Variants in ZNF354B observed in about 807,000 individuals in gnomAD.
ZNF354B encodes the protein zinc finger protein 354B.
A neutral mutation model predicts 12.9 loss-of-function variants in ZNF354B; 10 were observed. The ratio of observed to expected loss-of-function variants is 0.77; its 90% confidence interval spans 0.48 to 1.31. ZNF354B has a LOEUF of 1.31. ZNF354B is among the 40% of genes most tolerant of loss of function. The pLI is 0.00. For synonymous variants in ZNF354B, 260 were observed against 243.7 expected, an observed-to-expected ratio of 1.07 and a Z score of -0.62; for missense variants, 614 against 711.7, an observed-to-expected ratio of 0.86 and a Z score of 1.56.
chr5:178,882,596 T>C (rs902296162), intron 4 of ZNF354B, 113 bp from the exon 5 acceptor site: 22 of 1,072,854 alleles, frequency 2.1e-5, no homozygotes, highest in South Asian at 4.8e-5. Context: ...AATTTTATCC[T>C]CTTTTAGTCA....
chr5:178,864,886 G>A (rs1004743790), intron 2 of ZNF354B, among the ~76,000 whole-genome samples: 3 of 152,094 alleles, frequency 2.0e-5, no homozygotes, highest in Non-Finnish European at 4.4e-5. Context: ...GCCTCCCAAA[G>A]TGCTAGGATT....
chr5:178,877,387 C>T (rs1333204895), intron 4 of ZNF354B, among the ~76,000 whole-genome samples: 1 of 152,042 alleles, frequency 6.6e-6, no homozygotes, highest in Admixed American at 6.6e-5. Flanking sequence ...AGGCTGGTCT[C>T]GGAACTCCTG....
At chr5:178,869,935 T>C (rs10479516) in intron 4 of ZNF354B, among the ~76,000 whole-genome samples, 85,177 of 151,908 alleles carry the variant, frequency 0.56, 24,576 homozygotes, top group Non-Finnish European at 0.61. Context: ...TTCCCATGAG[T>C]GCTCACTTCA....
chr5:178,877,708 C>T (rs764031030), intron 4 of ZNF354B, among the ~76,000 whole-genome samples: 3 of 152,178 alleles, frequency 2.0e-5, no homozygotes, highest in East Asian at 1.9e-4. Flanking sequence ...CCAAAGGCCA[C>T]GCTAGGGATG....
chr5:178,860,053 G>A lies in ZNF354B; in HGVS notation c.-126G>A, dbSNP rs3922928. The A allele has an allele frequency of 0.02, 3,018 of 152,518 alleles. 39 individuals are homozygous for A. Among genetic ancestry groups the A allele is most frequent in the Non-Finnish European group, 0.028 (1,936 of 68,188 alleles). 9.4% of individuals were successfully genotyped at this position (152,518 alleles called of 1,614,324 possible). On this transcript the variant is annotated 5_prime_UTR_variant, in exon 1 of 5. Transcript: ENST00000322434. ...GGTCGCCCAGACGTCGGAGGAGCCG[G>A]GTCACGAGGCTGGAGCTTCCTGCTT...
chr5:178,863,147 C>A (rs1757387768), intron 2 of ZNF354B, among the ~76,000 whole-genome samples: 1 of 152,104 alleles, frequency 6.6e-6, no homozygotes, highest in Non-Finnish European at 1.5e-5. Flanking sequence ...TTGTACTCTT[C>A]CCCAATATGC....
intron 4 of ZNF354B, among the ~76,000 whole-genome samples, chr5:178,873,671 T>C (rs1022351581): frequency 6.6e-6 from 1 of 152,204 alleles, no homozygotes; most frequent in African/African-American, 2.4e-5. Flanking sequence ...GATTGCTGTA[T>C]ATATACAGGC....
Position 178,883,091 on chromosome 5 carries a change from C to G in ZNF354B, c.639C>G (p.Arg213=). 1 of 1,609,314 alleles carries G rather than the reference C, an allele frequency of 6.2e-7. No individual in the cohort carries two copies. The highest frequency in any genetic ancestry group is 2.2e-5 in the East Asian group (1 of 44,842). Residue 213 remains arginine, a synonymous_variant, in exon 5 of 5, where the codon CGC becomes CGG. Coordinates refer to ENST00000322434, the MANE Select transcript of ZNF354B (RefSeq NM_058230.3). ...NQSKIKTAEK[R]YKCSTCEKAF... ...CAAAAATCAAAACAGCAGAGAAACG[C>G]TATAAATGCAGTACATGTGAAAAAG...
intron 2 of ZNF354B, 39 bp from the exon 3 acceptor site, chr5:178,866,205 G>C (rs1195929858): frequency 6.2e-7 from 1 of 1,611,200 alleles, no homozygotes; most frequent in Non-Finnish European, 8.5e-7. Context: ...CACTCTGTGA[G>C]GGTGGTCCTG....
chr5:178,879,906 T>TC (rs1215407804), intron 4 of ZNF354B, among the ~76,000 whole-genome samples: 1 of 152,032 alleles, frequency 6.6e-6, no homozygotes, highest in Admixed American at 6.5e-5. Flanking sequence ...GGTGGGTGGA[T>TC]CACGAGGTCA....
Position 178,883,293 on chromosome 5 carries a change from C to T in ZNF354B, c.841C>T (p.His281Tyr), listed in dbSNP as rs768307372. 8 of 1,613,736 alleles carry T rather than the reference C, an allele frequency of 5.0e-6. No individual in the cohort carries two copies. The South Asian group carries it at 7.7e-5, about 16-fold the overall frequency. The change falls in exon 5 of 5, where the codon CAT becomes TAT. Residue 281 changes from histidine (H) to tyrosine (Y), a missense_variant. His to Tyr is a moderately conservative substitution (Grantham distance 83). Coordinates refer to ENST00000322434, the MANE Select transcript of ZNF354B (RefSeq NM_058230.3). The stretch of plus-strand genomic sequence containing the variant: ...TAAAGAATGTGGGAAAGCCTTCAGC[C>T]ATAGTGCATCCCTTTGTAAGCATTT... Reference protein sequence around the residue: ...ICKECGKAFSHSASLCKHLRT... With the variant: ...ICKECGKAFSYSASLCKHLRT...
intron 1 of ZNF354B, among the ~76,000 whole-genome samples, chr5:178,860,516 C>A (rs1409105298): frequency 6.6e-6 from 1 of 152,130 alleles, no homozygotes; most frequent in Admixed American, 6.5e-5. Flanking sequence ...TCTTCAAAGC[C>A]GTTTTCCGTG....
intron 4 of ZNF354B, among the ~76,000 whole-genome samples, chr5:178,881,563 T>A (rs1757718799): frequency 6.6e-6 from 1 of 152,242 alleles, no homozygotes; most frequent in Admixed American, 6.5e-5. Flanking sequence ...TTCATATTAC[T>A]TGTAAATTTA....
intron 4 of ZNF354B, among the ~76,000 whole-genome samples, chr5:178,868,705 G>A (rs1156659382): frequency 2.0e-5 from 3 of 152,188 alleles, no homozygotes; most frequent in African/African-American, 7.2e-5. Context: ...GGGCACAGTG[G>A]CTCACGCCTG....
rs1757468045 is a variant in ZNF354B, at chr5:178,866,884, A to G, written c.161-92A>G. 1.5e-5 allele frequency: 19 copies of G among 1,247,230 alleles called. No homozygotes were observed. In the Admixed American group the frequency reaches 3.6e-4, roughly 24 times the overall value. The allele number at this position is 1,247,230 out of a possible 1,614,324, so 77.3% of individuals were successfully genotyped here. A position where few individuals can be genotyped will look rare whatever the true frequency, so the allele number is the denominator to read the frequency against. On this transcript the variant is annotated intron_variant, in intron 3 of 4. Transcript: ENST00000322434. ...ATCATACATGCAACATTCCTTCTGT[A>G]GAAAAGCCACGGTTACCCTAATAAT...
chr5:178,863,734 G>C (rs1377727518), intron 2 of ZNF354B, among the ~76,000 whole-genome samples: 1 of 152,184 alleles, frequency 6.6e-6, no homozygotes, highest in Non-Finnish European at 1.5e-5. Context: ...ACAGCTGCAT[G>C]TGTGTCATTG....
intron 4 of ZNF354B, among the ~76,000 whole-genome samples, chr5:178,868,998 C>T (rs72814694): frequency 8.1e-4 from 122 of 150,142 alleles, no homozygotes; most frequent in Non-Finnish European, 1.4e-3. Flanking sequence ...GAATGGTGTT[C>T]GTGAAGGTCC....
intron 4 of ZNF354B, among the ~76,000 whole-genome samples, chr5:178,876,219 G>A (rs1373939676): frequency 1.3e-5 from 2 of 152,348 alleles, no homozygotes; most frequent in African/African-American, 2.4e-5. Flanking sequence ...TGATGGTTGT[G>A]CTGGAGTCCC....
chr5:178,875,926 A>G (rs532862717), intron 4 of ZNF354B, among the ~76,000 whole-genome samples: 1 of 152,202 alleles, frequency 6.6e-6, no homozygotes, highest in African/African-American at 2.4e-5. Flanking sequence ...ATGCTCAGCC[A>G]GGGGAGGGAC....
Sources: gnomAD v4.1 joint callset for allele counts (sites outside exome capture counted in the v4.1 genomes callset) on GRCh38, gnomAD v4.1.1 for gene constraint, MANE v1.5 for transcripts, NCBI Gene and HGNC (gene_info 2026-07-23, HGNC 2026-07-21) for gene names.